VWC2: variants seen among roughly 807,000 people sequenced by gnomAD.
The protein encoded by VWC2 is brorin.
Under a neutral mutation model 29.8 loss-of-function variants are expected in VWC2, and 14 were observed. The ratio of observed to expected loss-of-function variants is 0.47; its 90% CI spans 0.31 to 0.74. The LOEUF is 0.74. Ranked by LOEUF, VWC2 falls within the 30% of genes least tolerant of loss-of-function variation. The pLI is 0.05. For missense variants in VWC2, 457 were observed against 459.8 expected, an observed-to-expected ratio of 0.99 and a Z score of 0.05; for synonymous variants, 213 against 199.0, an observed-to-expected ratio of 1.07 and a Z score of -0.59.
intron 3 of VWC2, among the ~76,000 whole-genome samples, chr7:49,867,981 A>G (rs1246209169): frequency 6.6e-6 from 1 of 152,062 alleles, no homozygotes; most frequent in East Asian, 1.9e-4. Context: ...TTACAGGTGC[A>G]TACCACTATA....
chr7:49,842,326 T>C (rs902470411), intron 3 of VWC2, among the ~76,000 whole-genome samples: 12 of 151,994 alleles, frequency 7.9e-5, no homozygotes, highest in African/African-American at 2.9e-4. Flanking sequence ...CCTAAAACTA[T>C]ATTATCTGTA....
intron 3 of VWC2, among the ~76,000 whole-genome samples, chr7:49,878,989 C>T (rs1303164543): frequency 6.6e-6 from 1 of 152,170 alleles, no homozygotes; most frequent in Non-Finnish European, 1.5e-5. Flanking sequence ...CCACGATATT[C>T]TTTATGTCAC....
chr7:49,867,236 T>C (rs1290052255), intron 3 of VWC2, among the ~76,000 whole-genome samples: 1 of 152,198 alleles, frequency 6.6e-6, no homozygotes, highest in Non-Finnish European at 1.5e-5. Context: ...AACAATGCCA[T>C]AGGAATATGA....
rs369063422 is a variant in VWC2, at chr7:49,912,175, G to A, written c.968G>A (p.Arg323Lys). ...RQAMCTRHEC[R>K]QM is the part of the protein sequence containing the mutation. ...GCCATGTGCACGAGACATGAATGCAGGCAAATGTAGACGCTTCCCAGAACA... is the reference window on the plus strand; with the variant it reads ...GCCATGTGCACGAGACATGAATGCAAGCAAATGTAGACGCTTCCCAGAACA... Residue 323 changes from arginine (R) to lysine (K), a missense_variant, in exon 4 of 4, where the codon AGG becomes AAG. Physicochemically the swap from Arg to Lys is conservative, Grantham distance 26 (BLOSUM62 2). Transcript: ENST00000340652. 35 of 1,613,680 alleles carry A rather than the reference G, an allele frequency of 2.2e-5. No homozygotes were observed. The highest frequency in any genetic ancestry group is 9.3e-6 in the Non-Finnish European group (11 of 1,179,868).
At chr7:49,845,046 C>T (rs563936830) in intron 3 of VWC2, among the ~76,000 whole-genome samples, 1 of 152,098 alleles carries the variant, frequency 6.6e-6, no homozygotes, top group African/African-American at 2.4e-5. Context: ...AAGTTATTTC[C>T]GAATGTTCTC....
chr7:49,800,812 G>A (rs1788720106), intron 2 of VWC2, among the ~76,000 whole-genome samples: 1 of 120,108 alleles, frequency 8.3e-6, no homozygotes, highest in African/African-American at 3.2e-5. Flanking sequence ...CCACAATGAT[G>A]ACAGCAACAA....
At chr7:49,792,608 G>A (rs1157458336) in intron 2 of VWC2, among the ~76,000 whole-genome samples, 2 of 152,212 alleles carry the variant, frequency 1.3e-5, no homozygotes, top group Admixed American at 1.3e-4. Context: ...TTGCTGTACT[G>A]TTGCCACATA....
intron 3 of VWC2, among the ~76,000 whole-genome samples, chr7:49,878,157 C>T (rs1243685125): frequency 6.6e-6 from 1 of 152,086 alleles, no homozygotes; most frequent in Non-Finnish European, 1.5e-5. Flanking sequence ...CACACTCAGG[C>T]TTCAGATCAC....
Position 49,783,323 on chromosome 7 carries a change from CA to C in VWC2, c.696+7194del, listed in dbSNP as rs987252688. Among the ~76,000 whole-genome samples the C allele has an allele frequency of 9.2e-5, 14 of 152,076 alleles. No individual in the cohort carries two copies. In the East Asian group the frequency reaches 1.5e-3, roughly 17 times the overall value. On this transcript the variant is annotated intron_variant, in intron 2 of 3. Coordinates refer to ENST00000340652, the MANE Select transcript of VWC2 (RefSeq NM_198570.5). ...ACTGTGAGAGCTTGGGTCAGGGGGT[CA>C]AGGGGGCACACAGTAGAAGCCACTC...
At chr7:49,802,562 C>T (rs927255637) in intron 2 of VWC2, 149 bp from the exon 3 acceptor site, 46 of 1,068,910 alleles carry the variant, frequency 4.3e-5, no homozygotes, top group Admixed American at 8.8e-5. Context: ...CGCTTGAACT[C>T]GGGAAACAGA....
chr7:49,810,577 T>G (rs1290675166), intron 3 of VWC2, among the ~76,000 whole-genome samples: 1 of 152,120 alleles, frequency 6.6e-6, no homozygotes, highest in East Asian at 1.9e-4. Flanking sequence ...CAAAAGAAAT[T>G]TTTAAAAGAA....
intron 3 of VWC2, among the ~76,000 whole-genome samples, chr7:49,854,176 C>A (rs1232707857): frequency 1.3e-5 from 2 of 152,144 alleles, no homozygotes; most frequent in African/African-American, 4.8e-5. Context: ...AATAAGCATA[C>A]ATGTGCACGT....
chr7:49,826,616 T>G (rs1358197261), intron 3 of VWC2, among the ~76,000 whole-genome samples: 1 of 152,218 alleles, frequency 6.6e-6, no homozygotes, highest in Non-Finnish European at 1.5e-5. Context: ...GAAATCATAC[T>G]AAAATTATGT....
intron 2 of VWC2, among the ~76,000 whole-genome samples, chr7:49,792,665 C>A (rs1299547434): frequency 6.6e-6 from 1 of 152,248 alleles, no homozygotes; most frequent in Admixed American, 6.5e-5. Flanking sequence ...TACCCTTGCT[C>A]TGGAAGCCTC....
intron 3 of VWC2, among the ~76,000 whole-genome samples, chr7:49,807,646 T>G (rs932924990): frequency 6.6e-6 from 1 of 152,202 alleles, no homozygotes; most frequent in African/African-American, 2.4e-5. Context: ...GATTGCTGAT[T>G]TAAATATGAA....
In VWC2 at chr7:49,791,574, G is replaced by A. The variant is rs190747513; in HGVS notation, c.697-11137G>A. ...GATATCCCAGCCTTTTGGGCAGTCA[G>A]GAATCTGATCACTTCTGGGAAGTGA... is the stretch of plus-strand genomic sequence containing the variant. On this transcript the variant is annotated intron_variant, in intron 2 of 3. Coordinates refer to ENST00000340652, the MANE Select transcript of VWC2 (RefSeq NM_198570.5). Among the ~76,000 whole-genome samples the A allele has an allele frequency of 2.0e-5, 3 of 152,264 alleles. No homozygotes were observed. The East Asian group carries it at 5.8e-4, about 29-fold the overall frequency.
intron 3 of VWC2, among the ~76,000 whole-genome samples, chr7:49,906,673 T>C (rs1793112719): frequency 6.6e-6 from 1 of 152,212 alleles, no homozygotes; most frequent in South Asian, 2.1e-4. Context: ...TATCATAAAA[T>C]TCTTACCAAG....
intron 3 of VWC2, among the ~76,000 whole-genome samples, chr7:49,867,308 A>T (rs149548889): frequency 6.6e-6 from 1 of 152,238 alleles, no homozygotes; most frequent in Non-Finnish European, 1.5e-5. Flanking sequence ...AGATTGCCAG[A>T]AAAGAAGAAG....
At chr7:49,867,940 T>A (rs1049145787) in intron 3 of VWC2, among the ~76,000 whole-genome samples, 42 of 152,188 alleles carry the variant, frequency 2.8e-4, no homozygotes, top group African/African-American at 9.9e-4. Flanking sequence ...TTCAAGCAAT[T>A]CTCCTGTCTC....
Sources: gnomAD v4.1 joint callset for allele counts (sites outside exome capture counted in the v4.1 genomes callset) on GRCh38, gnomAD v4.1.1 for gene constraint, MANE v1.5 for transcripts, NCBI Gene and HGNC (gene_info 2026-07-23, HGNC 2026-07-21) for gene names.